The following GPC5 variants were observed in gnomAD, a reference collection of about 807,000 sequenced individuals.
The protein encoded by GPC5 is glypican 5.
A neutral mutation model predicts 53.9 loss-of-function variants in GPC5; 47 were observed. That is an observed-to-expected ratio of 0.87 (90% confidence interval 0.69 to 1.11). The LOEUF is 1.11. Among genes scored for constraint, GPC5 ranks in the 50% most tolerant of loss-of-function variants. GPC5 has a pLI of 0.00. For synonymous variants in GPC5, 286 were observed against 263.3 expected, an observed-to-expected ratio of 1.09 and a Z score of -0.84; for missense variants, 748 against 713.1, an observed-to-expected ratio of 1.05 and a Z score of -0.56.
chr13:92,379,832 G>T (rs74107235), intron 7 of GPC5, among the ~76,000 whole-genome samples: 3,454 of 152,208 alleles, frequency 0.023, 145 homozygotes, highest in African/African-American at 0.079. Flanking sequence ...ATCCTCTCTG[G>T]CTTGATATTT....
At chr13:92,511,888 T>C (rs1445987574) in intron 7 of GPC5, among the ~76,000 whole-genome samples, 1 of 152,062 alleles carries the variant, frequency 6.6e-6, no homozygotes, top group African/African-American at 2.4e-5. Flanking sequence ...TTATGCTTGT[T>C]ATATGGTGAA....
intron 7 of GPC5, among the ~76,000 whole-genome samples, chr13:92,639,970 T>TC (rs1885533928): frequency 6.6e-6 from 1 of 151,208 alleles, no homozygotes; most frequent in Admixed American, 6.6e-5. Flanking sequence ...GGATTTTTTT[T>TC]TTTCTCTCTC....
intron 7 of GPC5, among the ~76,000 whole-genome samples, chr13:92,841,460 A>G (rs1048363472): frequency 2.0e-5 from 3 of 152,164 alleles, no homozygotes; most frequent in African/African-American, 7.2e-5. Context: ...AGTAGTTGCA[A>G]CAATGATCAA....
intron 7 of GPC5, among the ~76,000 whole-genome samples, chr13:92,201,685 C>T (rs2042296263): frequency 6.6e-6 from 1 of 152,020 alleles, no homozygotes; most frequent in South Asian, 2.1e-4. Context: ...TACAATGCAA[C>T]TACAGGTGGG....
chr13:91,492,948 G>C (rs578245621), intron 2 of GPC5, among the ~76,000 whole-genome samples: 1 of 152,058 alleles, frequency 6.6e-6, no homozygotes, highest in Non-Finnish European at 1.5e-5. Context: ...TTTCCCCCCA[G>C]TGCTTCTCTT....
At chr13:92,789,298 T>G (rs973380024) in intron 7 of GPC5, among the ~76,000 whole-genome samples, 4 of 152,300 alleles carry the variant, frequency 2.6e-5, no homozygotes, top group Admixed American at 2.6e-4. Flanking sequence ...GCACAAGTCA[T>G]GTTTTCTGTT....
chr13:92,612,279 GTGC>G (rs1198649182), intron 7 of GPC5, among the ~76,000 whole-genome samples: 5 of 152,050 alleles, frequency 3.3e-5, no homozygotes, highest in African/African-American at 1.2e-4. Context: ...ATCACGAATT[GTGC>G]TGCTATCTAC....
intron 5 of GPC5, among the ~76,000 whole-genome samples, chr13:91,871,942 A>C (rs1290824430): frequency 5.9e-5 from 9 of 152,138 alleles, no homozygotes; most frequent in African/African-American, 1.9e-4. Context: ...TAAAATACAT[A>C]GGTCACCGAA....
At chr13:92,060,734 A>G (rs1331289583) in intron 6 of GPC5, among the ~76,000 whole-genome samples, 4 of 151,912 alleles carry the variant, frequency 2.6e-5, no homozygotes, top group African/African-American at 9.7e-5. Context: ...GTGAAGTGTA[A>G]TTACATACAA....
intron 5 of GPC5, among the ~76,000 whole-genome samples, chr13:91,881,006 G>A (rs2039258250): frequency 6.6e-6 from 1 of 152,110 alleles, no homozygotes. Flanking sequence ...GGCAAGGCTG[G>A]TCTGGAACTC....
At chr13:92,336,780 G>C (rs1195701018) in intron 7 of GPC5, among the ~76,000 whole-genome samples, 1 of 152,144 alleles carries the variant, frequency 6.6e-6, no homozygotes, top group Non-Finnish European at 1.5e-5. Context: ...TTAAGTAAGT[G>C]AATGCAATCA....
chr13:92,645,358 T>A (rs762752007), intron 7 of GPC5, among the ~76,000 whole-genome samples: 1 of 152,222 alleles, frequency 6.6e-6, no homozygotes, highest in Non-Finnish European at 1.5e-5. Context: ...TTGGTCAGAC[T>A]GGTCTCGAAC....
chr13:92,277,029 T>C (rs1168455686), intron 7 of GPC5, among the ~76,000 whole-genome samples: 1 of 152,036 alleles, frequency 6.6e-6, no homozygotes, highest in Non-Finnish European at 1.5e-5. Flanking sequence ...TTACAGGAAA[T>C]GCTAAAGCAA....
chr13:92,126,182 TGACCTTGC>T (rs1312939941), intron 6 of GPC5, among the ~76,000 whole-genome samples: 1 of 152,044 alleles, frequency 6.6e-6, no homozygotes, highest in Admixed American at 6.6e-5. Flanking sequence ...CTTGAACTCC[TGACCTTGC>T]GATCCACCCG....
intron 6 of GPC5, among the ~76,000 whole-genome samples, chr13:91,998,030 G>A (rs1230117968): frequency 1.3e-5 from 2 of 152,090 alleles, no homozygotes; most frequent in African/African-American, 2.4e-5. Context: ...TTTATAAATA[G>A]TATAAGCTAG....
rs149889437 is a variant in GPC5 at position 91,565,020 on chromosome 13, C to T, written c.325+116098C>T. ...GGGGGGGGTCGGTGGGACAGAGTCT[C>T]GCTCTGTCACCCAGGCTGGAGTGTA... On this transcript the variant is annotated intron_variant, in intron 2 of 7. Transcript: ENST00000377067. 6.3e-3 allele frequency among the ~76,000 whole-genome samples: 945 copies of T among 150,304 alleles called. 10 individuals are homozygous for T. The highest frequency in any genetic ancestry group is 0.022 in the African/African-American group (911 of 40,978).
At chr13:92,381,847 G>GATATATGATTAT (rs1261792173) in intron 7 of GPC5, among the ~76,000 whole-genome samples, 2 of 119,596 alleles carry the variant, frequency 1.7e-5, no homozygotes, top group East Asian at 2.4e-4. Flanking sequence ...TATTGTATAT[G>GATATATGATTAT]ATCATATATG....
At chr13:92,220,578 C>T (rs1454161508) in intron 7 of GPC5, among the ~76,000 whole-genome samples, 5 of 152,098 alleles carry the variant, frequency 3.3e-5, no homozygotes, top group Admixed American at 2.0e-4. Context: ...ACTATACAGG[C>T]AACAGGAAAG....
Position 92,613,379 on chromosome 13 carries a change from A to ATT in GPC5, c.1562-252902_1562-252901dup, listed in dbSNP as rs1256344573. Among the ~76,000 whole-genome samples, 281 of 72,322 alleles carry ATT rather than the reference A, an allele frequency of 3.9e-3. 2 individuals carry two copies. Among genetic ancestry groups the ATT allele is most frequent in the African/African-American group, 0.014 (274 of 19,604 alleles). The allele number at this position is 72,322 out of a possible 152,430, so 47.4% of individuals were successfully genotyped here. A position where few individuals can be genotyped will look rare whatever the true frequency, so the allele number is the denominator to read the frequency against. On this transcript the variant is annotated intron_variant, in intron 7 of 7. Coordinates refer to ENST00000377067, the MANE Select transcript of GPC5 (RefSeq NM_004466.6). ...ATATAATATATTTATATATAAATAT[A>ATT]TTATATTATATATAAATATATATTA...
Sources: allele counts gnomAD v4.1 joint callset (sites outside exome capture counted in the v4.1 genomes callset), GRCh38; gene constraint gnomAD v4.1.1; transcripts MANE v1.5; gene names NCBI Gene and HGNC (gene_info 2026-07-23, HGNC 2026-07-21).